Variants in PDE4A observed in about 807,000 individuals in gnomAD.
PDE4A encodes phosphodiesterase 4A.
Under a neutral mutation model 73.9 loss-of-function variants are expected in PDE4A, and 21 were observed. The ratio of observed to expected loss-of-function variants is 0.28; its 90% CI spans 0.20 to 0.41. The LOEUF (loss-of-function observed/expected upper bound fraction) is 0.41. Among genes scored for constraint, PDE4A ranks in the 10% least tolerant of loss-of-function variants. The pLI is 1.00. For synonymous variants in PDE4A, 463 were observed against 505.4 expected, an observed-to-expected ratio of 0.92 and a Z score of 1.13; for missense variants, 958 against 1,211.4, an observed-to-expected ratio of 0.79 and a Z score of 3.10.
chr19:10,416,856 G>A (rs1046795291), upstream of PDE4A: 5 of 1,533,734 alleles, frequency 3.3e-6, no homozygotes, highest in Non-Finnish European at 4.4e-6. Context: ...GGGCACTGAT[G>A]GCAGATGCGT....
chr19:10,421,293 C>T (rs949147472), intron 1 of PDE4A: 1 of 985,356 alleles, frequency 1.0e-6, no homozygotes, highest in East Asian at 1.1e-4. Flanking sequence ...TCCTGGGGTC[C>T]ATTTAGGGGG....
Position 10,450,585 on chromosome 19 carries a change from A to ATTTTT in PDE4A, c.621-11_621-7dup. On this transcript the variant is annotated splice_polypyrimidine_tract_variant and intron_variant, in intron 4 of 14. Transcript: ENST00000380702. ...GGACCCAGGCTGACATTGCAGCCCC[A>ATTTTT]TTTTTTTTTTTCTGCAGGCGGTCCC... is the stretch of plus-strand genomic sequence containing the variant. The ATTTTT allele has an allele frequency of 7.3e-7, 1 of 1,375,790 alleles. No homozygotes were observed. The allele number at this position is 1,375,790 out of a possible 1,614,324, so 85.2% of individuals were successfully genotyped here. A position where few individuals can be genotyped will look rare whatever the true frequency, so the allele number is the denominator to read the frequency against.
At chr19:10,452,117 C>A (rs1330295218) in intron 6 of PDE4A, among the ~76,000 whole-genome samples, 1 of 148,580 alleles carries the variant, frequency 6.7e-6, no homozygotes, top group Non-Finnish European at 1.5e-5. Context: ...ATGTTTGTGT[C>A]CAAGGGCAGT....
At chr19:10,420,344 C>A (rs1046412103), upstream of PDE4A, 66 of 974,452 alleles carry the variant, frequency 6.8e-5, no homozygotes, top group Non-Finnish European at 8.0e-5. This position sits in a 1 kb window ranked among gnomAD's most constrained non-coding sequence, Gnocchi z 6.0. Flanking sequence ...CGCCCCCTCC[C>A]AGCCCGGAGC....
chr19:10,446,555 C>A, intron 2 of PDE4A, 146 bp downstream of exon 2: 2 of 864,494 alleles, frequency 2.3e-6, no homozygotes, highest in Non-Finnish European at 3.4e-6. Flanking sequence ...AAGCAGCACC[C>A]TGCCCCTCCT....
intron 1 of PDE4A, 120 bp from the exon 2 acceptor site, chr19:10,446,098 C>T: frequency 7.0e-7 from 1 of 1,434,526 alleles, no homozygotes; most frequent in South Asian, 1.5e-5. Context: ...CTTGGCCTCC[C>T]AAAGTGCTGG....
In PDE4A at chr19:10,467,929, A is replaced by C; in HGVS notation, c.*308A>C. On this transcript the variant is annotated 3_prime_UTR_variant, in exon 15 of 15. Transcript: ENST00000380702. ...AAAAAGAAAAAAAAAAGAAAGAAAC[A>C]CAGCAACTGTAGATGCTCCTGTTCC... 4.6e-6 allele frequency: 1 copy of C among 217,266 alleles called. No homozygotes were observed. The highest frequency in any genetic ancestry group is 9.0e-6 in the Non-Finnish European group (1 of 111,186). 13.5% of individuals were successfully genotyped at this position (217,266 alleles called of 1,614,324 possible).
At chr19:10,448,126 A>G (rs1441624432) in intron 2 of PDE4A, among the ~76,000 whole-genome samples, 1 of 146,714 alleles carries the variant, frequency 6.8e-6, no homozygotes, top group Non-Finnish European at 1.5e-5. Context: ...TTTGAGATGG[A>G]ATCTTGCTCT....
rs201747867 is a variant in PDE4A, at chr19:10,448,884, G to A, written c.513-33G>A. On this transcript the variant is annotated intron_variant, in intron 2 of 14. Coordinates refer to ENST00000380702, the MANE Select transcript of PDE4A (RefSeq NM_001111307.2). The stretch of plus-strand genomic sequence containing the variant: ...CTACCCCAGACAGTTGCTTCTCTGC[G>A]GACCCCTGACCTGCCTCTGTCCTCA... The A allele has an allele frequency of 4.3e-5, 70 of 1,613,098 alleles. 1 individual carries two copies. The East Asian group carries it at 6.2e-4, about 14-fold the overall frequency.
chr19:10,424,425 G>T lies in PDE4A; in HGVS notation c.320+3341G>T. ...CCACTTGGGTCCTCGCCTCCCCCTT[G>T]TCCCTGGCGCTCCCAAGTCCCTGGA... On this transcript the variant is annotated intron_variant, in intron 1 of 14. Coordinates refer to ENST00000380702, the MANE Select transcript of PDE4A (RefSeq NM_001111307.2). This position sits in a 1 kb window ranked among gnomAD's most constrained non-coding sequence, Gnocchi z 4.8. 6.6e-6 allele frequency among the ~76,000 whole-genome samples: 1 copy of T among 152,188 alleles called. No individual in the cohort carries two copies. The highest frequency in any genetic ancestry group is 1.5e-5 in the Non-Finnish European group (1 of 68,020).
intron 14 of PDE4A, among the ~76,000 whole-genome samples, chr19:10,465,852 C>G (rs1210418017): frequency 1.3e-5 from 2 of 149,128 alleles, no homozygotes; most frequent in East Asian, 2.1e-4. Context: ...ATGTGCCCAC[C>G]ACCATGCCCT....
In PDE4A at chr19:10,446,225, G is replaced by T. The variant is rs373772901; in HGVS notation, c.328G>T (p.Ala110Ser). ...CTCGCCCATCCCCTGCAGCTTCGAG[G>T]CAGAGAATGGGCCGACACCATCTCC... ...AGGGSSRRFE[A>S]ENGPTPSPGR... Residue 110 changes from alanine (A) to serine (S), a missense_variant, in exon 2 of 15, where the codon GCA becomes TCA. Around this residue, in one of 3 missense-constraint regions of PDE4A, gnomAD observed 570 missense variants for 827.7 expected, o/e 0.69. Coordinates refer to ENST00000380702, the MANE Select transcript of PDE4A (RefSeq NM_001111307.2). 6.4e-7 allele frequency: 1 copy of T among 1,570,678 alleles called. No homozygotes were observed. The highest frequency in any genetic ancestry group is 8.6e-7 in the Non-Finnish European group (1 of 1,158,252).
At chr19:10,433,486 T>C (rs2042822444) in intron 1 of PDE4A, among the ~76,000 whole-genome samples, 1 of 152,182 alleles carries the variant, frequency 6.6e-6, no homozygotes, top group Non-Finnish European at 1.5e-5. Flanking sequence ...GGTCAGGGAC[T>C]GTCACAGTAT....
intron 1 of PDE4A, chr19:10,423,079 C>T: frequency 4.1e-6 from 4 of 984,780 alleles, no homozygotes; most frequent in Non-Finnish European, 4.8e-6. Context: ...CATCCTCATC[C>T]CCAGTGCCCT....
At position 10,453,576 on chromosome 19, in the gene PDE4A, G is replaced by A. The variant is rs1397396518; in HGVS notation, c.784-1253G>A. Among the ~76,000 whole-genome samples, 1 of 151,970 alleles carries A rather than the reference G, an allele frequency of 6.6e-6. No individual in the cohort carries two copies. The highest frequency in any genetic ancestry group is 2.1e-4 in the South Asian group (1 of 4,812). ...CCTGGATGTGTGTGTGTGTGTCTGCGATGGTGTGTGTCTGCCTGAGTATAG... is the reference window on the plus strand; with the variant it reads ...CCTGGATGTGTGTGTGTGTGTCTGCAATGGTGTGTGTCTGCCTGAGTATAG... On this transcript the variant is annotated intron_variant, in intron 6 of 14. Transcript: ENST00000380702. The surrounding 1 kb of genome is among the most constrained non-coding windows in gnomAD (Gnocchi z 4.6).
At chr19:10,446,598 C>CTTTTTTTTTT (rs1033532439) in intron 2 of PDE4A, among the ~76,000 whole-genome samples, 189 bp downstream of exon 2, 1 of 124,846 alleles carries the variant, frequency 8.0e-6, no homozygotes, top group East Asian at 2.6e-4. Context: ...TTTTTTTTTT[C>CTTTTTTTTTT]TTTTTTTCTT....
rs183726754 is a variant in PDE4A, at chr19:10,438,619, G to A, written c.321-7599G>A. On this transcript the variant is annotated intron_variant, in intron 1 of 14. Coordinates refer to ENST00000380702, the MANE Select transcript of PDE4A (RefSeq NM_001111307.2). The stretch of plus-strand genomic sequence containing the variant: ...ATAATGTTTTTTTGTTTGTTTGTTT[G>A]TTTTTGAGACAGAGTTTCACTCTTA... 7.4e-4 allele frequency among the ~76,000 whole-genome samples: 113 copies of A among 151,844 alleles called. 2 individuals carry two copies. Among genetic ancestry groups the A allele is most frequent in the Middle Eastern group, 3.4e-3 (1 of 294 alleles).
At chr19:10,455,641 A>G (rs1308270768) in intron 7 of PDE4A, among the ~76,000 whole-genome samples, 1 of 151,788 alleles carries the variant, frequency 6.6e-6, no homozygotes, top group Non-Finnish European at 1.5e-5. Context: ...CTCAAAACAA[A>G]CAAACAAACA....
upstream of PDE4A, chr19:10,417,678 G>T (rs769717912): frequency 6.3e-7 from 1 of 1,595,106 alleles, no homozygotes; most frequent in South Asian, 1.1e-5. Flanking sequence ...GGAGACCCCC[G>T]AATCCGACCG....
Sources: allele counts gnomAD v4.1 joint callset (sites outside exome capture counted in the v4.1 genomes callset), GRCh38; gene constraint gnomAD v4.1.1; regional missense constraint gnomAD v4.1.1; non-coding constraint Gnocchi (gnomAD v3.1); transcripts MANE v1.5; gene names NCBI Gene and HGNC (gene_info 2026-07-23, HGNC 2026-07-21).